The following SLC25A17 variants were observed in gnomAD, a reference collection of about 807,000 sequenced individuals.
The protein encoded by SLC25A17 is solute carrier family 25 member 17.
A neutral mutation model predicts 38.5 loss-of-function variants in SLC25A17; 26 were observed. The observed-to-expected ratio is 0.68, with a 90% CI of 0.50 to 0.94. SLC25A17 has a LOEUF of 0.94. Ranked by LOEUF, SLC25A17 falls within the 40% of genes least tolerant of loss-of-function variation. The probability of loss-of-function intolerance (pLI) is 0.00; values close to 1 mark genes in which losing one functional copy is unlikely to be tolerated. For missense variants in SLC25A17, 333 were observed against 372.7 expected (o/e 0.89, Z 0.88); for synonymous variants, 139 against 136.2 (o/e 1.02, Z -0.14).
At chr22:40,784,784 CAAAAAA>C (rs71200616) in intron 4 of SLC25A17, among the ~76,000 whole-genome samples, 2 of 96,358 alleles carry the variant, frequency 2.1e-5, no homozygotes, top group Non-Finnish European at 3.9e-5. Flanking sequence ...TCAACAACAA[CAAAAAA>C]AAAAAAAAAA....
At chr22:40,780,845 A>G (rs2057287113) in intron 4 of SLC25A17, among the ~76,000 whole-genome samples, 1 of 152,232 alleles carries the variant, frequency 6.6e-6, no homozygotes, top group Non-Finnish European at 1.5e-5. Context: ...GAGGCAATGC[A>G]GCTAAGATTA....
At chr22:40,797,371 G>A (rs1228688613) in intron 2 of SLC25A17, 1 of 1,203,798 alleles carries the variant, frequency 8.3e-7, no homozygotes, top group East Asian at 5.7e-5. Context: ...ACAGTGAGTT[G>A]TAGAGTCCCA....
At chr22:40,775,296 G>A (rs1005443029) in intron 7 of SLC25A17, among the ~76,000 whole-genome samples, 6 of 152,106 alleles carry the variant, frequency 3.9e-5, no homozygotes, top group African/African-American at 1.4e-4. Flanking sequence ...TGGTTTGGCT[G>A]TGTCCCCATC....
intron 4 of SLC25A17, among the ~76,000 whole-genome samples, chr22:40,781,538 C>A: frequency 6.6e-6 from 1 of 152,106 alleles, no homozygotes; most frequent in East Asian, 1.9e-4. Context: ...AGCCACCGCA[C>A]CCGGCCTAAA....
At position 40,802,630 on chromosome 22, in the gene SLC25A17, A is replaced by C. The variant is rs569623223; in HGVS notation, c.55-3547T>G. Among the ~76,000 whole-genome samples, 4 of 152,216 alleles carry C rather than the reference A, an allele frequency of 2.6e-5. No homozygotes were observed. The East Asian group carries it at 7.7e-4, about 29-fold the overall frequency. On this transcript the variant is annotated intron_variant, in intron 1 of 8. Coordinates refer to ENST00000435456, the MANE Select transcript of SLC25A17 (RefSeq NM_006358.4). The stretch of plus-strand genomic sequence containing the variant: ...ACTGCACTCCAGCCTGGACAACAAG[A>C]GGGAAACTCCTTCTCAAAAAAAAAG...
intron 1 of SLC25A17, among the ~76,000 whole-genome samples, chr22:40,810,018 C>T (rs2057565145): frequency 6.6e-6 from 1 of 152,008 alleles, no homozygotes; most frequent in African/African-American, 2.4e-5. Flanking sequence ...AAATGATGGG[C>T]TGTGATATTA....
In SLC25A17 at chr22:40,777,131, G is replaced by C. The variant is rs2057251493; in HGVS notation, c.602C>G (p.Ser201Cys). Residue 201 changes from serine to cysteine, a missense_variant, in exon 7 of 9, where the codon TCT (serine) becomes TGT (cysteine). Physicochemically the swap from Ser to Cys is moderately radical, Grantham distance 112 (BLOSUM62 -1). Coordinates refer to ENST00000435456, the MANE Select transcript of SLC25A17 (RefSeq NM_006358.4). ...RQLLKKRMKLSSLDVFIIGAV... is the reference protein window; with the variant it reads ...RQLLKKRMKLCSLDVFIIGAV... ...ACCAATGATGAACACATCCAAGGAAGAAAGCTGGAAAGCAAAGGAAGAACA... is the reference window on the plus strand; with the variant it reads ...ACCAATGATGAACACATCCAAGGAACAAAGCTGGAAAGCAAAGGAAGAACA... 1.9e-6 allele frequency: 3 copies of C among 1,614,116 alleles called. No individual in the cohort carries two copies. Among genetic ancestry groups the C allele is most frequent in the Non-Finnish European group, 2.5e-6 (3 of 1,180,012 alleles).
chr22:40,800,620 C>T (rs1006508472), intron 1 of SLC25A17, among the ~76,000 whole-genome samples: 1 of 152,038 alleles, frequency 6.6e-6, no homozygotes, highest in Non-Finnish European at 1.5e-5. Flanking sequence ...TGACCTCAAA[C>T]TCCTGGCCTC....
At chr22:40,813,123 G>C (rs536103733) in intron 1 of SLC25A17, among the ~76,000 whole-genome samples, 2 of 152,198 alleles carry the variant, frequency 1.3e-5, no homozygotes, top group Admixed American at 6.5e-5. Context: ...ATAAAATATA[G>C]GTTTACGTCC....
chr22:40,800,835 C>T (rs2057474148), intron 1 of SLC25A17, among the ~76,000 whole-genome samples: 1 of 148,916 alleles, frequency 6.7e-6, no homozygotes, highest in Non-Finnish European at 1.5e-5. Flanking sequence ...CATGATGGCT[C>T]ACGCCTGTAA....
Position 40,819,320 on chromosome 22 carries a change from C to G in SLC25A17, c.-72G>C. On this transcript the variant is annotated 5_prime_UTR_variant, in exon 1 of 9. Transcript: ENST00000435456. ...GCAGCCAGTGGAGTTAGGAAAGGAG[C>G]ACCGGAGCTCAGGGTGTGAGAGTCG... 1 of 1,533,362 alleles carries G rather than the reference C, an allele frequency of 6.5e-7. No individual in the cohort carries two copies. Among genetic ancestry groups the G allele is most frequent in the South Asian group, 1.1e-5 (1 of 88,500 alleles). The allele number at this position is 1,533,362 out of a possible 1,614,324, so 95.0% of individuals were successfully genotyped here.
intron 2 of SLC25A17, among the ~76,000 whole-genome samples, chr22:40,798,746 C>T (rs989486594): frequency 1.4e-5 from 2 of 147,942 alleles, no homozygotes; most frequent in African/African-American, 5.0e-5. Flanking sequence ...GGCAGGAGAT[C>T]ACCTGAGATG....
intron 4 of SLC25A17, chr22:40,788,781 T>G (rs1221850777): frequency 4.0e-6 from 1 of 247,188 alleles, no homozygotes; most frequent in Non-Finnish European, 8.6e-6. Flanking sequence ...TTTTCATCAG[T>G]GGCCATTCAT....
intron 1 of SLC25A17, among the ~76,000 whole-genome samples, chr22:40,807,194 A>C (rs2057538010): frequency 6.6e-6 from 1 of 152,224 alleles, no homozygotes; most frequent in African/African-American, 2.4e-5. Context: ...AATGTATTAA[A>C]TACCACTGAA....
intron 4 of SLC25A17, among the ~76,000 whole-genome samples, chr22:40,782,636 A>T (rs2145658246): frequency 6.6e-6 from 1 of 152,334 alleles, no homozygotes; most frequent in East Asian, 1.9e-4. Flanking sequence ...GATATAAGAA[A>T]ATGGCAAAAC....
At chr22:40,804,804 T>C (rs2057515161) in intron 1 of SLC25A17, among the ~76,000 whole-genome samples, 1 of 152,152 alleles carries the variant, frequency 6.6e-6, no homozygotes, top group Non-Finnish European at 1.5e-5. Flanking sequence ...GCATCATCTG[T>C]TGTCTTGTGA....
In SLC25A17 at chr22:40,799,077, C is replaced by G. The variant is rs140883594; in HGVS notation, c.61G>C (p.Val21Leu). Residue 21 changes from valine to leucine, a missense_variant, in exon 2 of 9, where the codon GTG becomes CTG. Transcript: ENST00000435456. Reference protein sequence around the residue: ...VHAVAGAVGSVTAMTVFFPLD... With the variant: ...VHAVAGAVGSLTAMTVFFPLD... ...GGAAAAAACACTGTCATTGCTGTCA[C>G]GCTTCCCTGAAAAGTTTGAAAAAGG... is the stretch of plus-strand genomic sequence containing the variant. 2 of 1,613,488 alleles carry G rather than the reference C, an allele frequency of 1.2e-6. No homozygotes were observed. The highest frequency in any genetic ancestry group is 1.7e-6 in the Non-Finnish European group (2 of 1,179,574).
chr22:40,813,130 G>A (rs188995914), intron 1 of SLC25A17, among the ~76,000 whole-genome samples: 107 of 152,212 alleles, frequency 7.0e-4, no homozygotes, highest in African/African-American at 2.1e-3. Flanking sequence ...ATAGGTTTAC[G>A]TCCCAAGTAT....
intron 1 of SLC25A17, among the ~76,000 whole-genome samples, chr22:40,812,611 A>T (rs1478589687): frequency 1.3e-5 from 2 of 152,220 alleles, no homozygotes; most frequent in Non-Finnish European, 2.9e-5. Flanking sequence ...TGCTAGTCCA[A>T]AATCAGTTTC....
Sources: gnomAD v4.1 joint callset for allele counts (sites outside exome capture counted in the v4.1 genomes callset) on GRCh38, gnomAD v4.1.1 for gene constraint, MANE v1.5 for transcripts, NCBI Gene and HGNC (gene_info 2026-07-23, HGNC 2026-07-21) for gene names.